The following GALNT2 variants were observed in gnomAD, a reference collection of about 807,000 sequenced individuals.
GALNT2 encodes the protein polypeptide N-acetylgalactosaminyltransferase 2.
GALNT2 carries 31 observed loss-of-function variants against 81.4 expected under a neutral mutation model. The ratio of observed to expected loss-of-function variants is 0.38; its 90% CI spans 0.29 to 0.51. The LOEUF is 0.51. Ranked by LOEUF, GALNT2 falls within the 20% of genes least tolerant of loss-of-function variation. The probability of loss-of-function intolerance (pLI) is 0.87; values close to 1 mark genes in which losing one functional copy is unlikely to be tolerated. For synonymous variants in GALNT2, 303 were observed against 287.4 expected, an observed-to-expected ratio of 1.05 and a Z score of -0.55; for missense variants, 629 against 765.7, an observed-to-expected ratio of 0.82 and a Z score of 2.11.
At chr1:230,250,407 C>A (rs1023321951) in intron 9 of GALNT2, 50 bp from the exon 10 acceptor site, 1 of 1,425,116 alleles carries the variant, frequency 7.0e-7, no homozygotes, top group Non-Finnish European at 9.9e-7. Context: ...GGCAATCTAA[C>A]CTTGACTTTG....
rs550696074 is a variant in GALNT2 at position 230,152,150 on chromosome 1, G to A, written c.127-26068G>A. Among the ~76,000 whole-genome samples the A allele has an allele frequency of 1.4e-4, 22 of 152,268 alleles. No homozygotes were observed. The South Asian group carries it at 4.4e-3, about 30-fold the overall frequency. ...TGACTTAGAATGCCTTAACTGTCTG[G>A]GAATGCAGCCCAGTAGGTTTTAGCC... is the stretch of plus-strand genomic sequence containing the variant. On this transcript the variant is annotated intron_variant, in intron 1 of 15. Coordinates refer to ENST00000366672, the MANE Select transcript of GALNT2 (RefSeq NM_004481.5).
intron 1 of GALNT2, among the ~76,000 whole-genome samples, chr1:230,130,859 G>C (rs1185738701): frequency 6.6e-6 from 1 of 152,140 alleles, no homozygotes; most frequent in African/African-American, 2.4e-5. Context: ...GAGTGGGCGG[G>C]TGGGGGCTTA....
intron 3 of GALNT2, among the ~76,000 whole-genome samples, chr1:230,219,100 C>G (rs558560266): frequency 1.3e-5 from 2 of 152,344 alleles, no homozygotes; most frequent in South Asian, 4.1e-4. Flanking sequence ...TGAAACTGTT[C>G]CTTGGTGCCA....
chr1:230,130,055 C>G (rs1412937919), intron 1 of GALNT2, among the ~76,000 whole-genome samples: 2 of 152,360 alleles, frequency 1.3e-5, no homozygotes, highest in Non-Finnish European at 2.9e-5. Context: ...GAGCCCAAGT[C>G]TACCATCCCT....
intron 1 of GALNT2, among the ~76,000 whole-genome samples, chr1:230,145,278 G>A (rs780554013): frequency 3.3e-5 from 5 of 152,144 alleles, no homozygotes; most frequent in Admixed American, 1.3e-4. Context: ...CTCAGTGAGC[G>A]TCTCAGAAAT....
rs1659345152 is a variant in GALNT2 at position 230,070,659 on chromosome 1, AGGGT to A, written c.126+3257_126+3260del. 6.9e-6 allele frequency among the ~76,000 whole-genome samples: 1 copy of A among 143,954 alleles called. No homozygotes were observed. The highest frequency in any genetic ancestry group is 2.5e-5 in the African/African-American group (1 of 40,090). The allele number at this position is 143,954 out of a possible 152,430, so 94.4% of individuals were successfully genotyped here. On this transcript the variant is annotated intron_variant, in intron 1 of 15. Coordinates refer to ENST00000366672, the MANE Select transcript of GALNT2 (RefSeq NM_004481.5). This position sits in a 1 kb window ranked among gnomAD's most constrained non-coding sequence, Gnocchi z 4.7. ...CCTGTGGCCCTTGCCCGAGAGTCCAAGGGTGGGGGACTTTGGGTGGGATCTTCTA... is the reference window on the plus strand; with the variant it reads ...CCTGTGGCCCTTGCCCGAGAGTCCAAGGGGGACTTTGGGTGGGATCTTCTA...
In GALNT2 at chr1:230,257,028, G is replaced by A. The variant is rs544349782; in HGVS notation, c.1136+1684G>A. Among the ~76,000 whole-genome samples the A allele has an allele frequency of 1.3e-5, 2 of 152,344 alleles. No individual in the cohort carries two copies. Among genetic ancestry groups the A allele is most frequent in the Admixed American group, 6.5e-5 (1 of 15,308 alleles). ...GAGCAGATCCAGGCTGCTGAGGTGCGTTTGGCATATCAGCCAAATGGAAGC... is the reference window on the plus strand; with the variant it reads ...GAGCAGATCCAGGCTGCTGAGGTGCATTTGGCATATCAGCCAAATGGAAGC... On this transcript the variant is annotated intron_variant, in intron 11 of 15. Coordinates refer to ENST00000366672, the MANE Select transcript of GALNT2 (RefSeq NM_004481.5). The surrounding 1 kb of genome is among the most constrained non-coding windows in gnomAD (Gnocchi z 4.6).
intron 1 of GALNT2, among the ~76,000 whole-genome samples, chr1:230,123,268 C>T (rs948654287): frequency 9.2e-5 from 14 of 152,154 alleles, no homozygotes; most frequent in East Asian, 5.8e-4. Flanking sequence ...CGCTTGGCTC[C>T]AAGTGGTTGT....
intron 1 of GALNT2, among the ~76,000 whole-genome samples, chr1:230,120,503 G>A (rs565694225): frequency 5.5e-4 from 84 of 152,236 alleles, no homozygotes; most frequent in African/African-American, 1.8e-3. Context: ...GTCGGCTTTG[G>A]GGAACACTGT....
intron 3 of GALNT2, among the ~76,000 whole-genome samples, chr1:230,205,159 C>A (rs1368014663): frequency 1.3e-5 from 2 of 152,158 alleles, no homozygotes; most frequent in African/African-American, 4.8e-5. Flanking sequence ...GCCAGTGAAA[C>A]TACATTCACA....
chr1:230,121,590 G>A (rs1011729633), intron 1 of GALNT2, among the ~76,000 whole-genome samples: 1 of 152,212 alleles, frequency 6.6e-6, no homozygotes, highest in East Asian at 1.9e-4. Flanking sequence ...TTAGGCGGAT[G>A]TCCATTTCAC....
intron 1 of GALNT2, among the ~76,000 whole-genome samples, chr1:230,090,650 C>T (rs1013268498): frequency 2.0e-5 from 3 of 152,158 alleles, no homozygotes; most frequent in Non-Finnish European, 2.9e-5. Flanking sequence ...GTAAGTTGAT[C>T]CAGGAAGAAG....
intron 1 of GALNT2, among the ~76,000 whole-genome samples, chr1:230,071,281 G>C (rs762485532): frequency 5.9e-5 from 9 of 152,146 alleles, no homozygotes; most frequent in Non-Finnish European, 1.2e-4. Context: ...AATCTTAAAT[G>C]CTGTTAGAGA....
At chr1:230,253,665 T>A (rs1015363657) in intron 10 of GALNT2, among the ~76,000 whole-genome samples, 1 of 152,198 alleles carries the variant, frequency 6.6e-6, no homozygotes, top group Non-Finnish European at 1.5e-5. Context: ...ATCTCAAACA[T>A]GTAGCATGTT....
intron 1 of GALNT2, among the ~76,000 whole-genome samples, chr1:230,094,145 G>A (rs1356372199): frequency 6.7e-6 from 1 of 148,780 alleles, no homozygotes; most frequent in Non-Finnish European, 1.5e-5. Context: ...ATACAGGTGT[G>A]TGCCACCATG....
chr1:230,226,677 A>G (rs1572107565), intron 3 of GALNT2, among the ~76,000 whole-genome samples: 1 of 152,040 alleles, frequency 6.6e-6, no homozygotes, highest in East Asian at 1.9e-4. Flanking sequence ...GGGCCTCGCC[A>G]CTCTCTCCCA....
At chr1:230,090,898 A>G (rs1244877257) in intron 1 of GALNT2, among the ~76,000 whole-genome samples, 3 of 152,080 alleles carry the variant, frequency 2.0e-5, no homozygotes, top group African/African-American at 7.2e-5. Context: ...TGGAAACTCA[A>G]TGTTATTAGT....
intron 3 of GALNT2, among the ~76,000 whole-genome samples, chr1:230,218,247 G>T (rs1664446018): frequency 6.6e-6 from 1 of 152,198 alleles, no homozygotes; most frequent in African/African-American, 2.4e-5. Context: ...AGAAGAGAGG[G>T]CTGAAGGATG....
chr1:230,275,194 C>T lies in GALNT2; in HGVS notation c.1560+630C>T, dbSNP rs1324110591. On this transcript the variant is annotated intron_variant, in intron 15 of 15. Transcript: ENST00000366672. The surrounding 1 kb of genome is among the most constrained non-coding windows in gnomAD (Gnocchi z 5.5). ...CCTGCCACATATATACATATATAAA[C>T]ACCACATATATATACATATGCATGC... Among the ~76,000 whole-genome samples the T allele has an allele frequency of 6.6e-6, 1 of 151,052 alleles. No homozygotes were observed. The highest frequency in any genetic ancestry group is 1.5e-5 in the Non-Finnish European group (1 of 67,778).
Sources: gnomAD v4.1 joint callset for allele counts (sites outside exome capture counted in the v4.1 genomes callset) on GRCh38, gnomAD v4.1.1 for gene constraint, Gnocchi (gnomAD v3.1) non-coding constraint, MANE v1.5 for transcripts, NCBI Gene and HGNC (gene_info 2026-07-23, HGNC 2026-07-21) for gene names.